SEL1L2: variants seen among roughly 807,000 people sequenced by gnomAD.
SEL1L2 encodes SEL1L2 adaptor subunit of SYVN1 ubiquitin ligase, also known as protein sel-1 homolog 2.
In SEL1L2, 89 loss-of-function variants were observed where a neutral mutation model predicts 98.8. The observed-to-expected ratio is 0.90, with a 90% CI of 0.76 to 1.07. The LOEUF (loss-of-function observed/expected upper bound fraction) is 1.07. Ranked by LOEUF, SEL1L2 falls within the 50% of genes least tolerant of loss-of-function variation. The pLI is 0.00. For missense variants in SEL1L2, 788 were observed against 812.0 expected (o/e 0.97, Z 0.36); for synonymous variants, 262 against 278.5 (o/e 0.94, Z 0.59).
At chr20:13,918,856 G>T (rs2048522817) in intron 4 of SEL1L2, among the ~76,000 whole-genome samples, 165 bp downstream of exon 4, 1 of 152,222 alleles carries the variant, frequency 6.6e-6, no homozygotes, top group South Asian at 2.1e-4. Context: ...GTGATAATTT[G>T]TGGGATTCTT....
At chr20:13,918,879 G>T (rs1319172029) in intron 4 of SEL1L2, 142 bp downstream of exon 4, 2 of 606,954 alleles carry the variant, frequency 3.3e-6, no homozygotes, top group Non-Finnish European at 2.9e-6. Flanking sequence ...AACACAATTT[G>T]ATCCTTTTAA....
At chr20:13,975,162 A>G (rs1401489354) in intron 1 of SEL1L2, among the ~76,000 whole-genome samples, 1 of 152,220 alleles carries the variant, frequency 6.6e-6, no homozygotes, top group African/African-American at 2.4e-5. Flanking sequence ...AAATGGAAGA[A>G]TCCAGTAAAA....
intron 2 of SEL1L2, among the ~76,000 whole-genome samples, chr20:13,935,700 T>C (rs1005457182): frequency 3.9e-5 from 6 of 152,094 alleles, no homozygotes; most frequent in Non-Finnish European, 8.8e-5. Context: ...GGAGTTGTGT[T>C]CTGTGTGAAT....
At position 13,939,040 on chromosome 20, in the gene SEL1L2, G is replaced by GGTTTTTTTTTTT; in HGVS notation, c.115-7270_115-7269insAAAAAAAAAAAC. 3.5e-3 allele frequency among the ~76,000 whole-genome samples: 404 copies of GGTTTTTTTTTTT among 113,994 alleles called. 15 individuals carry two copies. Among genetic ancestry groups the GGTTTTTTTTTTT allele is most frequent in the East Asian group, 5.4e-3 (21 of 3,864 alleles). 74.8% of individuals were successfully genotyped at this position (113,994 alleles called of 152,430 possible). ...TCTTTTTGGTTTGTTTGCTTGTTTT[G>GGTTTTTTTTTTT]TTTTTTTTTTTTTTTTTTTCTGAGA... is the stretch of plus-strand genomic sequence containing the variant. On this transcript the variant is annotated intron_variant, in intron 2 of 19. Transcript: ENST00000284951.
At chr20:13,924,407 A>G (rs115199815) in intron 3 of SEL1L2, among the ~76,000 whole-genome samples, 236 of 151,600 alleles carry the variant, frequency 1.6e-3, no homozygotes, top group African/African-American at 5.2e-3. Flanking sequence ...ATTTGGATGA[A>G]TACACATTTT....
intron 5 of SEL1L2, among the ~76,000 whole-genome samples, chr20:13,888,804 A>ATTT (rs36004055): frequency 1.9e-4 from 26 of 135,036 alleles, no homozygotes; most frequent in South Asian, 1.5e-3. Flanking sequence ...ACGCCCCGCT[A>ATTT]TTTTTTTTTT....
Position 13,850,209 on chromosome 20 carries a change from C to T in SEL1L2, c.1929G>A (p.Arg643=), listed in dbSNP as rs769453517. The T allele has an allele frequency of 6.2e-7, 1 of 1,613,806 alleles. No homozygotes were observed. Among genetic ancestry groups the T allele is most frequent in the Non-Finnish European group, 8.5e-7 (1 of 1,179,822 alleles). ...AACTTACATTAAAAAACAGGATATC[C>T]CGGAGCAAATGCGTAGTTTCCAGTT... ...VMKLETTHLL[R]DILFFNFTTR... The change falls in exon 19 of 20, where the codon CGG becomes CGA. Residue 643 remains arginine, a synonymous_variant. Transcript: ENST00000284951.
chr20:13,849,335 A>T lies in SEL1L2; in HGVS notation c.*150T>A. The T allele has an allele frequency of 1.0e-6, 1 of 984,666 alleles. No homozygotes were observed. The highest frequency in any genetic ancestry group is 1.5e-6 in the Non-Finnish European group (1 of 660,862). The allele number at this position is 984,666 out of a possible 1,614,324, so 61.0% of individuals were successfully genotyped here. On this transcript the variant is annotated 3_prime_UTR_variant, in exon 20 of 20. Transcript: ENST00000284951. ...GCAGGAAGTCTGAAGTTGTTTCTCT[A>T]GGATGGTCCCCAAGTCTTGTCTGTT...
At chr20:13,888,572 T>A in intron 5 of SEL1L2, 60 bp from the exon 6 acceptor site, 1 of 812,432 alleles carries the variant, frequency 1.2e-6, no homozygotes, top group Non-Finnish European at 2.0e-6. Flanking sequence ...ATTATCTATA[T>A]GGATAAGGGA....
chr20:13,865,418 G>T lies in SEL1L2; in HGVS notation c.1501C>A (p.Gln501Lys). 6.2e-7 allele frequency: 1 copy of T among 1,614,066 alleles called. No individual in the cohort carries two copies. The highest frequency in any genetic ancestry group is 1.1e-5 in the South Asian group (1 of 91,082). Reference sequence around the variant, plus strand: ...CCCATTTCTGCAAGCAGTGCATACTGAACAAGAGAAGAATCTATATCACCA... The same window carrying T: ...CCCATTTCTGCAAGCAGTGCATACTTAACAAGAGAAGAATCTATATCACCA... Reference protein sequence around the residue: ...KDGDIDSSLVQYALLAEMGYE... With the variant: ...KDGDIDSSLVKYALLAEMGYE... Residue 501 changes from glutamine (Q) to lysine (K), a missense_variant, in exon 16 of 20, where the codon CAG (glutamine) becomes AAG (lysine). Gln to Lys is a moderately conservative substitution (Grantham distance 53). Coordinates refer to ENST00000284951, the MANE Select transcript of SEL1L2 (RefSeq NM_025229.2).
chr20:13,908,144 G>C (rs374871354), intron 5 of SEL1L2, among the ~76,000 whole-genome samples: 1 of 49,476 alleles, frequency 2.0e-5, no homozygotes, highest in Non-Finnish European at 3.6e-5. Context: ...TTGAGACAGG[G>C]TTTTGCTCTG....
intron 1 of SEL1L2, among the ~76,000 whole-genome samples, chr20:13,977,597 A>G (rs2051605130): frequency 6.6e-6 from 1 of 152,190 alleles, no homozygotes; most frequent in Admixed American, 6.5e-5. Context: ...TGTGCAAAAA[A>G]AAGTGGAGTG....
At chr20:13,865,589 A>G in intron 15 of SEL1L2, 75 bp from the exon 16 acceptor site, 2 of 1,300,456 alleles carry the variant, frequency 1.5e-6, no homozygotes, top group Non-Finnish European at 2.1e-6. Flanking sequence ...AAAGGAAATC[A>G]GTCTTCAGCT....
At chr20:13,977,382 T>G (rs1436958431) in intron 1 of SEL1L2, among the ~76,000 whole-genome samples, 2 of 152,176 alleles carry the variant, frequency 1.3e-5, no homozygotes, top group East Asian at 3.8e-4. Flanking sequence ...TGGTGAGTAA[T>G]GTCACATGGT....
In SEL1L2 at chr20:13,976,222, G is replaced by A. The variant is rs372601120; in HGVS notation, c.58+14255C>T. 4.8e-3 allele frequency among the ~76,000 whole-genome samples: 734 copies of A among 152,074 alleles called. 5 individuals carry two copies. The highest frequency in any genetic ancestry group is 0.017 in the African/African-American group (687 of 41,472). On this transcript the variant is annotated intron_variant, in intron 1 of 19. Transcript: ENST00000284951. ...TCTCCATGTTGGCCAGGCTGGTCTC[G>A]ATCTCCTGACCTCGTGATCCACCGG...
intron 1 of SEL1L2, among the ~76,000 whole-genome samples, chr20:13,989,030 CAAAT>C (rs943431768): frequency 1.3e-5 from 2 of 151,978 alleles, no homozygotes; most frequent in Non-Finnish European, 2.9e-5. Context: ...AATAAATAAA[CAAAT>C]AAATAAAGAT....
At chr20:13,940,462 GAGAA>G (rs749785651) in intron 2 of SEL1L2, among the ~76,000 whole-genome samples, 5 of 152,184 alleles carry the variant, frequency 3.3e-5, no homozygotes, top group Admixed American at 6.5e-5. Context: ...AATTATCAAA[GAGAA>G]AGACACAGAG....
At chr20:13,853,803 T>C (rs1043317149) in intron 18 of SEL1L2, among the ~76,000 whole-genome samples, 4 of 152,340 alleles carry the variant, frequency 2.6e-5, no homozygotes, top group Admixed American at 6.5e-5. Flanking sequence ...ACAAAGTACA[T>C]TGTGGAATAG....
At chr20:13,970,730 G>T (rs2051247511) in intron 1 of SEL1L2, among the ~76,000 whole-genome samples, 1 of 152,074 alleles carries the variant, frequency 6.6e-6, no homozygotes, top group Non-Finnish European at 1.5e-5. Context: ...TACTCGGGAG[G>T]CTGAGACAAG....
Sources: allele counts gnomAD v4.1 joint callset (sites outside exome capture counted in the v4.1 genomes callset), GRCh38; gene constraint gnomAD v4.1.1; transcripts MANE v1.5; gene names NCBI Gene and HGNC (gene_info 2026-07-23, HGNC 2026-07-21).